Variants in LSM2 observed in about 807,000 individuals in gnomAD.
LSM2 encodes LSM2 homolog, U6 small nuclear RNA and mRNA degradation associated.
LSM2 carries 12 observed loss-of-function variants against 17.0 expected under a neutral mutation model. The observed-to-expected ratio is 0.70, with a 90% CI of 0.45 to 1.14. The LOEUF (loss-of-function observed/expected upper bound fraction) is 1.14, where lower values mean the gene tolerates loss of function less well. Ranked by LOEUF, LSM2 falls within the 50% of genes most tolerant of loss-of-function variation. The pLI, the probability that LSM2 is intolerant of heterozygous loss-of-function variation, is 0.00. For synonymous variants in LSM2, 42 were observed against 44.5 expected (o/e 0.94, Z 0.22); for missense variants, 62 against 111.8 (o/e 0.55, Z 2.01).
In LSM2 at chr6:31,797,718, T is replaced by A. The variant is rs11555256; in HGVS notation, c.*39A>T. ...CTGGGCTGGGACTTGGGGTTATGGG[T>A]CACCAATGAAAGAGGGAGGGGAAGA... is the stretch of plus-strand genomic sequence containing the variant. On this transcript the variant is annotated 3_prime_UTR_variant, in exon 5 of 5. Transcript: ENST00000375661. 29,067 of 1,611,402 alleles carry A rather than the reference T, an allele frequency of 0.018. 679 individuals are homozygous for A. The highest frequency in any genetic ancestry group is 0.033 in the Middle Eastern group (169 of 5,058).
At position 31,806,791 on chromosome 6, in the gene LSM2, G is replaced by T. The variant is rs773633630; in HGVS notation, c.-34C>A. ...CGCCGCGGGCAGCGGGCCGGACCGGGAAGACAGCAGGGTGCTGCGAGCAGG... is the reference window on the plus strand; with the variant it reads ...CGCCGCGGGCAGCGGGCCGGACCGGTAAGACAGCAGGGTGCTGCGAGCAGG... On this transcript the variant is annotated 5_prime_UTR_variant, in exon 1 of 5. Coordinates refer to ENST00000375661, the MANE Select transcript of LSM2 (RefSeq NM_021177.5). 6 of 1,606,884 alleles carry T rather than the reference G, an allele frequency of 3.7e-6. No individual in the cohort carries two copies. In the Admixed American group the frequency reaches 6.8e-5, roughly 18 times the overall value.
intron 2 of LSM2, 140 bp from the exon 3 acceptor site, chr6:31,798,647 G>A: frequency 1.2e-6 from 1 of 813,394 alleles, no homozygotes. Flanking sequence ...CCAAAAGGGG[G>A]CATTCCTAAG....
At chr6:31,804,767 T>TTTC (rs1452626127) in intron 2 of LSM2, among the ~76,000 whole-genome samples, 1 of 122,358 alleles carries the variant, frequency 8.2e-6, no homozygotes, top group Non-Finnish European at 1.7e-5. Flanking sequence ...TTTTTTCTTT[T>TTTC]TTTTTTTTTT....
intron 2 of LSM2, among the ~76,000 whole-genome samples, chr6:31,802,536 A>G (rs900047389): frequency 1.5e-4 from 22 of 151,578 alleles, no homozygotes; most frequent in African/African-American, 5.1e-4. Flanking sequence ...CGGAGGTTAC[A>G]GCACCACTGC....
At chr6:31,802,106 C>G (rs1481367550) in intron 2 of LSM2, among the ~76,000 whole-genome samples, 1 of 151,556 alleles carries the variant, frequency 6.6e-6, no homozygotes, top group African/African-American at 2.4e-5. Context: ...ATGGTGAAAC[C>G]CGATGTCTAC....
chr6:31,805,187 C>T (rs1814954659), intron 2 of LSM2, among the ~76,000 whole-genome samples: 1 of 152,016 alleles, frequency 6.6e-6, no homozygotes, highest in South Asian at 2.1e-4. Flanking sequence ...ACCTCAGCCT[C>T]CCGAATAGCT....
chr6:31,801,475 A>G (rs1412354362), intron 2 of LSM2, among the ~76,000 whole-genome samples: 1 of 152,158 alleles, frequency 6.6e-6, no homozygotes, highest in Non-Finnish European at 1.5e-5. Context: ...ACATAGCACA[A>G]AAGTGGTCTG....
At position 31,797,735 on chromosome 6, in the gene LSM2, A is replaced by T. The variant is rs901777253; in HGVS notation, c.*22T>A. ...GTTATGGGTCACCAATGAAAGAGGGAGGGGAAGAGGAGGAGGAGCCATCAC... is the reference window on the plus strand; with the variant it reads ...GTTATGGGTCACCAATGAAAGAGGGTGGGGAAGAGGAGGAGGAGCCATCAC... On this transcript the variant is annotated 3_prime_UTR_variant, in exon 5 of 5. Transcript: ENST00000375661. 7.4e-6 allele frequency: 12 copies of T among 1,611,878 alleles called. No homozygotes were observed. The South Asian group carries it at 1.2e-4, about 16-fold the overall frequency.
chr6:31,803,458 T>C (rs1814831720), intron 2 of LSM2, among the ~76,000 whole-genome samples: 1 of 149,278 alleles, frequency 6.7e-6, no homozygotes. Context: ...CACTACAGCC[T>C]GGACAACAGA....
chr6:31,804,868 G>A (rs137951269), intron 2 of LSM2, among the ~76,000 whole-genome samples: 2,041 of 145,842 alleles, frequency 0.014, 46 homozygotes, highest in African/African-American at 0.049. Context: ...CCAGGTTCAC[G>A]CCATTCTCCT....
Position 31,798,974 on chromosome 6 carries a change from G to T in LSM2, c.72-467C>A, listed in dbSNP as rs117127906. The stretch of plus-strand genomic sequence containing the variant: ...TGTTCCTTAACTCCTGATCTCAGGC[G>T]ATCTGCCCACTTCAGCTCCCCAAAG... On this transcript the variant is annotated intron_variant, in intron 2 of 4. Coordinates refer to ENST00000375661, the MANE Select transcript of LSM2 (RefSeq NM_021177.5). Among the ~76,000 whole-genome samples, 679 of 151,996 alleles carry T rather than the reference G, an allele frequency of 4.5e-3. 7 individuals are homozygous for T. The highest frequency in any genetic ancestry group is 0.039 in the East Asian group (202 of 5,172).
At chr6:31,800,260 C>G (rs901093847) in intron 2 of LSM2, among the ~76,000 whole-genome samples, 1 of 151,746 alleles carries the variant, frequency 6.6e-6, no homozygotes, top group African/African-American at 2.4e-5. Context: ...CACTTGAACC[C>G]GGGAGGTGGA....
intron 2 of LSM2, among the ~76,000 whole-genome samples, chr6:31,801,759 G>A (rs768652317): frequency 3.9e-5 from 6 of 152,102 alleles, no homozygotes; most frequent in African/African-American, 9.7e-5. Context: ...TCGCGCCACC[G>A]CACTCCAGCC....
At chr6:31,805,325 G>A (rs956060831) in intron 2 of LSM2, among the ~76,000 whole-genome samples, 4 of 151,390 alleles carry the variant, frequency 2.6e-5, no homozygotes, top group African/African-American at 9.7e-5. Flanking sequence ...CTCCCAAAGT[G>A]CTGAGATTAC....
chr6:31,797,698 C>A lies in LSM2; in HGVS notation c.*59G>T. Reference sequence around the variant, plus strand: ...AGTATTGGGGGTTAGGGGTTCTGGGCTGGGACTTGGGGTTATGGGTCACCA... The same window carrying A: ...AGTATTGGGGGTTAGGGGTTCTGGGATGGGACTTGGGGTTATGGGTCACCA... On this transcript the variant is annotated 3_prime_UTR_variant, in exon 5 of 5. Coordinates refer to ENST00000375661, the MANE Select transcript of LSM2 (RefSeq NM_021177.5). 4 of 1,609,890 alleles carry A rather than the reference C, an allele frequency of 2.5e-6. No individual in the cohort carries two copies. Among genetic ancestry groups the A allele is most frequent in the Non-Finnish European group, 2.5e-6 (3 of 1,178,994 alleles).
chr6:31,800,249 T>C (rs1814616024), intron 2 of LSM2, among the ~76,000 whole-genome samples: 1 of 151,870 alleles, frequency 6.6e-6, no homozygotes, highest in African/African-American at 2.4e-5. Flanking sequence ...AGCAGGAGAA[T>C]CACTTGAACC....
intron 3 of LSM2, among the ~76,000 whole-genome samples, chr6:31,798,272 G>A (rs979614513): frequency 1.6e-4 from 24 of 151,992 alleles, no homozygotes; most frequent in South Asian, 4.1e-4. Context: ...TAGTAGAGAC[G>A]GGGTTTCACC....
At chr6:31,800,653 C>T (rs1267611518) in intron 2 of LSM2, among the ~76,000 whole-genome samples, 6 of 151,870 alleles carry the variant, frequency 4.0e-5, no homozygotes, top group Non-Finnish European at 7.4e-5. Context: ...TTTGGGAGGC[C>T]GAGGCGGGTG....
Position 31,798,497 on chromosome 6 carries a change from T to C in LSM2, c.82A>G (p.Thr28Ala). The change falls in exon 3 of 5, where the codon ACC (threonine) becomes GCC (alanine). Residue 28 changes from threonine to alanine, a missense_variant. By Grantham distance (58) the Thr-to-Ala change is moderately conservative. Coordinates refer to ENST00000375661, the MANE Select transcript of LSM2 (RefSeq NM_021177.5). ...ELKNDLSICG[T>A]LHSVDQYLNI... is the part of the protein sequence containing the mutation. ...CTCACCTGATCCACAGAATGGAGGG[T>C]TCCACAGATGCTGTCAAGGGCAGAG... 1 of 1,612,780 alleles carries C rather than the reference T, an allele frequency of 6.2e-7. No homozygotes were observed. Among genetic ancestry groups the C allele is most frequent in the Non-Finnish European group, 8.5e-7 (1 of 1,179,962 alleles).
Sources: allele counts gnomAD v4.1 joint callset (sites outside exome capture counted in the v4.1 genomes callset), GRCh38; gene constraint gnomAD v4.1.1; transcripts MANE v1.5; gene names NCBI Gene and HGNC (gene_info 2026-07-23, HGNC 2026-07-21).